HEG1: variants seen among roughly 807,000 people sequenced by gnomAD.
HEG1 encodes the protein heart development protein with EGF like domains 1, also known as protein HEG homolog 1.
In HEG1, 56 loss-of-function variants were observed where a neutral mutation model predicts 125.6. That is an observed-to-expected ratio of 0.45 (90% CI 0.36 to 0.56). HEG1 has a LOEUF of 0.56. Ranked by LOEUF, HEG1 falls within the 20% of genes least tolerant of loss-of-function variation. HEG1 has a pLI of 0.00. For synonymous variants in HEG1, 644 were observed against 668.5 expected (o/e 0.96, Z 0.57); for missense variants, 1,523 against 1,670.0 (o/e 0.91, Z 1.53).
chr3:125,022,426 C>G (rs1234273119), intron 3 of HEG1, among the ~76,000 whole-genome samples: 2 of 79,824 alleles, frequency 2.5e-5, no homozygotes, highest in African/African-American at 9.6e-5. Context: ...AGAGAGAGAG[C>G]ATGCATGGGA....
At chr3:125,048,700 T>G (rs771340526) in intron 1 of HEG1, among the ~76,000 whole-genome samples, 9 of 152,228 alleles carry the variant, frequency 5.9e-5, no homozygotes, top group Non-Finnish European at 1.3e-4. Flanking sequence ...GTGTTAAGCC[T>G]CCGAGTAAGG....
rs1482867165 is a variant in HEG1 at position 125,014,664 on chromosome 3, T to C, written c.1589-674A>G. On this transcript the variant is annotated intron_variant, in intron 5 of 16. Coordinates refer to ENST00000311127, the MANE Select transcript of HEG1 (RefSeq NM_020733.2). ...CATCCCAGGACGGTGAGTAAATTAA[T>C]AGATGAGCTGAAGGGATGTGTTAAA... The C allele has an allele frequency of 3.3e-6, 4 of 1,196,892 alleles. No individual in the cohort carries two copies. In the South Asian group the frequency reaches 4.5e-5, roughly 13 times the overall value. 74.1% of individuals were successfully genotyped at this position (1,196,892 alleles called of 1,614,324 possible). A position where few individuals can be genotyped will look rare whatever the true frequency, so the allele number is the denominator to read the frequency against.
intron 1 of HEG1, among the ~76,000 whole-genome samples, chr3:125,045,548 G>A (rs964387464): frequency 6.6e-6 from 1 of 152,218 alleles, no homozygotes; most frequent in African/African-American, 2.4e-5. Context: ...GGAGGCAGAA[G>A]AGATGGGAAA....
At chr3:125,001,134 C>T (rs991908576) in intron 11 of HEG1, among the ~76,000 whole-genome samples, 6 of 152,178 alleles carry the variant, frequency 3.9e-5, no homozygotes, top group South Asian at 4.2e-4. Flanking sequence ...TTGTTTATGG[C>T]GCCACTGTGG....
intron 12 of HEG1, among the ~76,000 whole-genome samples, chr3:124,996,042 T>G (rs1432669586): frequency 6.6e-6 from 1 of 151,992 alleles, no homozygotes; most frequent in Non-Finnish European, 1.5e-5. Flanking sequence ...CACACATGGA[T>G]GTTAGCCCAG....
chr3:125,029,123 G>T, intron 2 of HEG1, 72 bp downstream of exon 2: 3 of 1,488,858 alleles, frequency 2.0e-6, no homozygotes, highest in Non-Finnish European at 1.8e-6. Context: ...GGGGTTGTGG[G>T]GAATGGCAGA....
intron 16 of HEG1, chr3:124,971,252 G>A (rs1049076427): frequency 4.5e-6 from 2 of 441,190 alleles, no homozygotes; most frequent in Admixed American, 2.5e-5. Context: ...TCATAAATAA[G>A]TTGCAGGAGA....
chr3:125,049,385 T>C (rs557237345), intron 1 of HEG1, among the ~76,000 whole-genome samples: 1 of 152,256 alleles, frequency 6.6e-6, no homozygotes, highest in South Asian at 2.1e-4. Context: ...CGGGCTGGCA[T>C]CCCTTCCTCC....
At chr3:125,017,202 G>A (rs907578247) in intron 5 of HEG1, among the ~76,000 whole-genome samples, 4 of 152,006 alleles carry the variant, frequency 2.6e-5, no homozygotes, top group Non-Finnish European at 5.9e-5. Flanking sequence ...TTACAGGCAC[G>A]TGCCACTATG....
chr3:125,020,840 C>T lies in HEG1; in HGVS notation c.1204G>A (p.Glu402Lys). ...AAAGACGTAAGTCCAAATTCATTTT[C>T]TGTGGATGGTTCAATGAATTCCTCA... Reference protein sequence around the residue: ...GDEEFIEPSTENEFGLTSLRW... With the variant: ...GDEEFIEPSTKNEFGLTSLRW... The change falls in exon 4 of 17, where the codon GAA becomes AAA. Residue 402 changes from glutamate to lysine, a missense_variant. Physicochemically the swap from Glu to Lys is moderately conservative, Grantham distance 56. Transcript: ENST00000311127. 6.2e-7 allele frequency: 1 copy of T among 1,614,018 alleles called. No homozygotes were observed. The highest frequency in any genetic ancestry group is 8.5e-7 in the Non-Finnish European group (1 of 1,179,886).
chr3:124,996,575 CCCA>C (rs1241319596), intron 12 of HEG1, among the ~76,000 whole-genome samples: 2 of 152,180 alleles, frequency 1.3e-5, no homozygotes, highest in African/African-American at 4.8e-5. Flanking sequence ...CATCACAGGT[CCCA>C]CCTGGAGAGC....
At chr3:125,027,160 A>C in intron 3 of HEG1, 45 bp downstream of exon 3, 2 of 1,482,284 alleles carry the variant, frequency 1.3e-6, no homozygotes, top group African/African-American at 2.8e-5. Flanking sequence ...ATTTATGTCT[A>C]CTTTGAGTGA....
At chr3:124,985,830 T>C (rs555780947) in intron 14 of HEG1, among the ~76,000 whole-genome samples, 1 of 152,310 alleles carries the variant, frequency 6.6e-6, no homozygotes, top group South Asian at 2.1e-4. Flanking sequence ...CAGGCTGGAG[T>C]GCAATAGTGC....
intron 3 of HEG1, among the ~76,000 whole-genome samples, chr3:125,021,818 A>C (rs1350454188): frequency 6.6e-6 from 1 of 152,240 alleles, no homozygotes; most frequent in African/African-American, 2.4e-5. Context: ...ATTACCCCAC[A>C]AATTTAATTC....
In HEG1 at chr3:125,007,288, C is replaced by G. The variant is rs1452214372; in HGVS notation, c.3194-1920G>C. 5.3e-5 allele frequency among the ~76,000 whole-genome samples: 8 copies of G among 150,726 alleles called. 1 individual carries two copies. The highest frequency in any genetic ancestry group is 4.6e-4 in the Admixed American group (7 of 15,176). On this transcript the variant is annotated intron_variant, in intron 8 of 16. Coordinates refer to ENST00000311127, the MANE Select transcript of HEG1 (RefSeq NM_020733.2). ...GTCAGGACAGTAAACGTGGCATCTG[C>G]TTTTGGTGTGAATATAAAGATATAT... is the stretch of plus-strand genomic sequence containing the variant.
Position 125,010,533 on chromosome 3 carries a change from AG to A in HEG1, c.2978del (p.Pro993LeufsTer34). The A allele has an allele frequency of 6.4e-7, 1 of 1,557,608 alleles. No homozygotes were observed. ...SASVNSCAVN[P>X]CLHNGECVAD... ...CGACGCATTCGCCATTGTGAAGACA[AG>A]GGTTCACAGCACAGCTGTTGACTAC... On this transcript the variant is annotated frameshift_variant, in exon 7 of 17. Transcript: ENST00000311127. LOFTEE classifies it high-confidence loss of function.
chr3:125,019,711 G>T, intron 4 of HEG1, 114 bp from the exon 5 acceptor site: 2 of 767,070 alleles, frequency 2.6e-6, no homozygotes, highest in Non-Finnish European at 4.3e-6. Flanking sequence ...ACCTGGTATA[G>T]TGTTTATTAA....
At chr3:125,029,833 G>A (rs748471709) in intron 1 of HEG1, among the ~76,000 whole-genome samples, 29 of 152,164 alleles carry the variant, frequency 1.9e-4, no homozygotes, top group Admixed American at 3.3e-4. Flanking sequence ...CAGAGGTTGC[G>A]GTGAGCCAAG....
At chr3:125,040,067 A>G (rs1937580900) in intron 1 of HEG1, among the ~76,000 whole-genome samples, 1 of 152,216 alleles carries the variant, frequency 6.6e-6, no homozygotes, top group Admixed American at 6.5e-5. Context: ...TTTTACGCAT[A>G]ACGAAAAGAA....
Sources: allele counts gnomAD v4.1 joint callset (sites outside exome capture counted in the v4.1 genomes callset), GRCh38; gene constraint gnomAD v4.1.1; transcripts MANE v1.5; gene names NCBI Gene and HGNC (gene_info 2026-07-23, HGNC 2026-07-21).